SGK3: variants seen among roughly 807,000 people sequenced by gnomAD.
SGK3 encodes the protein serum/glucocorticoid regulated kinase family member 3.
SGK3 carries 47 observed loss-of-function variants against 68.5 expected under a neutral mutation model. The ratio of observed to expected loss-of-function variants is 0.69; its 90% confidence interval spans 0.54 to 0.87. The LOEUF (loss-of-function observed/expected upper bound fraction) is 0.87, where lower values mean the gene tolerates loss of function less well. Among genes scored for constraint, SGK3 ranks in the 40% least tolerant of loss-of-function variants. The pLI, the probability that SGK3 is intolerant of heterozygous loss-of-function variation, is 0.00. For missense variants in SGK3, 479 were observed against 575.5 expected, an observed-to-expected ratio of 0.83 and a Z score of 1.72; for synonymous variants, 181 against 189.1, an observed-to-expected ratio of 0.96 and a Z score of 0.35.
intron 1 of SGK3, among the ~76,000 whole-genome samples, chr8:66,752,490 A>C (rs145181691): frequency 6.6e-5 from 10 of 152,230 alleles, no homozygotes; most frequent in African/African-American, 1.9e-4. Flanking sequence ...GGCTATGGGA[A>C]TACCCCCTAT....
At chr8:66,794,480 A>G (rs1338438434) in intron 2 of SGK3, among the ~76,000 whole-genome samples, 1 of 142,514 alleles carries the variant, frequency 7.0e-6, no homozygotes, top group Admixed American at 7.0e-5. Flanking sequence ...CCTCCCCCTG[A>G]AAAAAAAAAA....
At position 66,847,345 on chromosome 8, in the gene SGK3, C is replaced by G; in HGVS notation, c.1227C>G (p.Asp409Glu). Residue 409 changes from aspartate (D) to glutamate (E), a missense_variant, in exon 15 of 17, where the codon GAC becomes GAG. This residue lies in a region of SGK3 where 173 missense variants were observed against 214.3 expected (regional missense o/e 0.81). Coordinates refer to ENST00000521198, the MANE Select transcript of SGK3 (RefSeq NM_001033578.3). ...DRQNRLGAKE[D>E]FLEIQNHPFF... is the part of the protein sequence containing the mutation. ...AAAATCGACTTGGTGCCAAGGAAGA[C>G]TTTGTATGTAACAGCTTTTCTAGCT... 1 of 1,612,560 alleles carries G rather than the reference C, an allele frequency of 6.2e-7. No homozygotes were observed. The highest frequency in any genetic ancestry group is 8.5e-7 in the Non-Finnish European group (1 of 1,179,590).
At chr8:66,838,546 T>A (rs909390052) in intron 10 of SGK3, among the ~76,000 whole-genome samples, 22 of 152,234 alleles carry the variant, frequency 1.4e-4, no homozygotes, top group African/African-American at 5.3e-4. Context: ...TAAGTGCAGG[T>A]GAGATACCAC....
At chr8:66,726,073 T>C (rs975027844) in intron 1 of SGK3, among the ~76,000 whole-genome samples, 2 of 152,222 alleles carry the variant, frequency 1.3e-5, no homozygotes, top group African/African-American at 4.8e-5. Flanking sequence ...TTTCAAGTTG[T>C]ACACGCTAAG....
intron 4 of SGK3, among the ~76,000 whole-genome samples, chr8:66,806,762 C>T (rs535099331): frequency 6.9e-6 from 1 of 144,778 alleles, no homozygotes; most frequent in African/African-American, 2.6e-5. Context: ...GCAGGTGAGC[C>T]AAGATCGCAC....
intron 2 of SGK3, among the ~76,000 whole-genome samples, 165 bp from the exon 3 acceptor site, chr8:66,798,377 A>G (rs1339248801): frequency 1.3e-5 from 2 of 152,102 alleles, no homozygotes; most frequent in African/African-American, 4.8e-5. Context: ...AGAATCATAT[A>G]AAAATGTTAA....
intron 8 of SGK3, among the ~76,000 whole-genome samples, chr8:66,833,343 A>G (rs1020947955): frequency 5.9e-5 from 9 of 152,156 alleles, no homozygotes; most frequent in African/African-American, 1.9e-4. Context: ...CTGTTTCTAC[A>G]TTGCATTTCT....
At chr8:66,750,520 T>G (rs1046951078) in intron 1 of SGK3, among the ~76,000 whole-genome samples, 3 of 151,900 alleles carry the variant, frequency 2.0e-5, no homozygotes, top group African/African-American at 7.3e-5. Context: ...TTGGTTCGTA[T>G]TTAGTCTTAA....
intron 15 of SGK3, among the ~76,000 whole-genome samples, chr8:66,847,981 T>C (rs1055100446): frequency 2.6e-5 from 4 of 152,070 alleles, no homozygotes; most frequent in African/African-American, 9.7e-5. Context: ...ACCGGCATTA[T>C]GTTAGTGTGT....
At chr8:66,851,553 G>A (rs964473111) in intron 16 of SGK3, among the ~76,000 whole-genome samples, 3 of 150,996 alleles carry the variant, frequency 2.0e-5, no homozygotes, top group Non-Finnish European at 3.0e-5. Flanking sequence ...AACAGGTATA[G>A]ACAAACATTA....
chr8:66,723,132 T>TG (rs71247502), intron 1 of SGK3, among the ~76,000 whole-genome samples: 1 of 25,882 alleles, frequency 3.9e-5, no homozygotes, highest in Non-Finnish European at 7.2e-5. Flanking sequence ...TATATATATA[T>TG]TTTTTTTTTT....
rs996082875 is a variant in SGK3, at chr8:66,739,977, T to C, written c.-122+27144T>C. Among the ~76,000 whole-genome samples, 6 of 152,164 alleles carry C rather than the reference T, an allele frequency of 3.9e-5. No homozygotes were observed. The South Asian group carries it at 1.2e-3, about 32-fold the overall frequency. On this transcript the variant is annotated intron_variant, in intron 1 of 16. Coordinates refer to ENST00000521198, the MANE Select transcript of SGK3 (RefSeq NM_001033578.3). ...CTACCACTGGGTCCCTCCCACAACATGTGGGGATTATGGGAACTACAATTC... is the reference window on the plus strand; with the variant it reads ...CTACCACTGGGTCCCTCCCACAACACGTGGGGATTATGGGAACTACAATTC...
At chr8:66,726,766 A>G (rs1804994844) in intron 1 of SGK3, among the ~76,000 whole-genome samples, 2 of 145,968 alleles carry the variant, frequency 1.4e-5, no homozygotes, top group Non-Finnish European at 1.5e-5. Flanking sequence ...GCTCTGCTGC[A>G]CTCCAGCCTG....
intron 3 of SGK3, 55 bp from the exon 4 acceptor site, chr8:66,804,320 A>AT (rs1444474592): frequency 6.7e-7 from 1 of 1,491,050 alleles, no homozygotes; most frequent in Non-Finnish European, 9.1e-7. Flanking sequence ...TGATGTGTGC[A>AT]TAACTAGAAG....
At chr8:66,825,555 T>C (rs566681572) in intron 6 of SGK3, among the ~76,000 whole-genome samples, 2 of 152,086 alleles carry the variant, frequency 1.3e-5, no homozygotes, top group Non-Finnish European at 2.9e-5. Context: ...GGTCTCCATC[T>C]CCTGACCTCC....
At position 66,813,876 on chromosome 8, in the gene SGK3, G is replaced by C. The variant is rs1808477527; in HGVS notation, c.277G>C (p.Gly93Arg). ...DPDFIKQRRAGLNEFIQNLVR... is the reference protein window; with the variant it reads ...DPDFIKQRRARLNEFIQNLVR... Reference sequence around the variant, plus strand: ...AGATTTTATTAAACAAAGACGAGCAGGACTAAACGAATTCATTCAGAACCT... The same window carrying C: ...AGATTTTATTAAACAAAGACGAGCACGACTAAACGAATTCATTCAGAACCT... Residue 93 changes from glycine (G) to arginine (R), a missense_variant, in exon 5 of 17, where the codon GGA (glycine) becomes CGA (arginine). Physicochemically the swap from Gly to Arg is moderately radical, Grantham distance 125 (BLOSUM62 -2). Transcript: ENST00000521198. 1 of 1,586,088 alleles carries C rather than the reference G, an allele frequency of 6.3e-7. No homozygotes were observed. The highest frequency in any genetic ancestry group is 8.6e-7 in the Non-Finnish European group (1 of 1,167,664).
chr8:66,758,215 G>A (rs980694398), intron 1 of SGK3, among the ~76,000 whole-genome samples: 1 of 151,880 alleles, frequency 6.6e-6, no homozygotes, highest in Non-Finnish European at 1.5e-5. Flanking sequence ...TTAGCCAGGT[G>A]TGGTGGTGGG....
At chr8:66,724,443 G>A (rs897496813) in intron 1 of SGK3, among the ~76,000 whole-genome samples, 8 of 152,206 alleles carry the variant, frequency 5.3e-5, no homozygotes, top group Non-Finnish European at 1.2e-4. Context: ...AGGTGTGGTG[G>A]CGGACACCTG....
At chr8:66,727,949 A>G (rs968293046) in intron 1 of SGK3, among the ~76,000 whole-genome samples, 3 of 152,256 alleles carry the variant, frequency 2.0e-5, no homozygotes, top group Non-Finnish European at 4.4e-5. Context: ...AACCCACAGC[A>G]TACACTAGAG....
Sources: gnomAD v4.1 joint callset for allele counts (sites outside exome capture counted in the v4.1 genomes callset) on GRCh38, gnomAD v4.1.1 for gene constraint, gnomAD v4.1.1 regional missense constraint, MANE v1.5 for transcripts, NCBI Gene and HGNC (gene_info 2026-07-23, HGNC 2026-07-21) for gene names.